Variants in STXBP6 observed in about 807,000 individuals in gnomAD.
STXBP6 encodes the protein syntaxin-binding protein 6.
STXBP6 carries 21 observed loss-of-function variants against 26.9 expected under a neutral mutation model. That is an observed-to-expected ratio of 0.78 (90% CI 0.55 to 1.12). The LOEUF is 1.12. Ranked by LOEUF, STXBP6 falls within the 50% of genes most tolerant of loss-of-function variation. STXBP6 has a pLI of 0.00. For synonymous variants in STXBP6, 97 were observed against 92.6 expected (o/e 1.05, Z -0.27); for missense variants, 232 against 257.9 (o/e 0.90, Z 0.69).
chr14:24,948,151 A>C (rs1478432179), intron 2 of STXBP6, among the ~76,000 whole-genome samples: 1 of 152,150 alleles, frequency 6.6e-6, no homozygotes, highest in African/African-American at 2.4e-5. Context: ...AAAATGTTTC[A>C]AAGGGACTTG....
intron 1 of STXBP6, among the ~76,000 whole-genome samples, chr14:24,977,127 G>GT (rs1263706573): frequency 6.7e-6 from 1 of 148,682 alleles, no homozygotes; most frequent in African/African-American, 2.5e-5. Flanking sequence ...GCCTCCCTAC[G>GT]TGCTGGGATT....
chr14:24,953,106 C>T (rs2073226211), intron 2 of STXBP6, among the ~76,000 whole-genome samples: 1 of 152,164 alleles, frequency 6.6e-6, no homozygotes, highest in Non-Finnish European at 1.5e-5. Context: ...TTCCTTGCCC[C>T]TTCCCACTTC....
intron 1 of STXBP6, among the ~76,000 whole-genome samples, chr14:24,978,496 G>C (rs1316713815): frequency 6.6e-6 from 1 of 152,146 alleles, no homozygotes; most frequent in Admixed American, 6.5e-5. Context: ...TCCATCCCAA[G>C]GCTGAGAACC....
intron 1 of STXBP6, among the ~76,000 whole-genome samples, chr14:25,012,625 C>T (rs1251034542): frequency 6.6e-6 from 1 of 151,974 alleles, no homozygotes; most frequent in Non-Finnish European, 1.5e-5. Context: ...AACAAACAAA[C>T]AAAAAAACAT....
At chr14:24,959,696 A>G (rs1216499378) in intron 2 of STXBP6, among the ~76,000 whole-genome samples, 1 of 152,228 alleles carries the variant, frequency 6.6e-6, no homozygotes, top group Admixed American at 6.5e-5. Flanking sequence ...TATAAAGTAT[A>G]ACAACTGACA....
intron 1 of STXBP6, among the ~76,000 whole-genome samples, chr14:25,006,409 A>G (rs535702471): frequency 5.3e-5 from 8 of 152,312 alleles, no homozygotes; most frequent in African/African-American, 1.9e-4. Flanking sequence ...CTGCATATGT[A>G]TATGTGTGTG....
chr14:24,861,522 GC>G (rs1405987252), intron 2 of STXBP6, among the ~76,000 whole-genome samples: 1 of 152,162 alleles, frequency 6.6e-6, no homozygotes, highest in East Asian at 1.9e-4. Context: ...TTCTTCCAAA[GC>G]TCTAGTGTAT....
At chr14:25,036,625 C>T (rs560917385) in intron 1 of STXBP6, among the ~76,000 whole-genome samples, 3 of 152,136 alleles carry the variant, frequency 2.0e-5, no homozygotes, top group Admixed American at 6.5e-5. Flanking sequence ...GAGGCTGAGG[C>T]GGGCCGATCG....
At chr14:24,897,510 C>T (rs2071042145) in intron 2 of STXBP6, among the ~76,000 whole-genome samples, 1 of 150,050 alleles carries the variant, frequency 6.7e-6, no homozygotes, top group Non-Finnish European at 1.5e-5. Context: ...AGGTTACTTA[C>T]AGTCATTATC....
At chr14:24,882,183 T>C (rs564403673) in intron 2 of STXBP6, among the ~76,000 whole-genome samples, 1 of 150,412 alleles carries the variant, frequency 6.6e-6, no homozygotes, top group South Asian at 2.1e-4. Context: ...ATCGCGACCA[T>C]CCCGGCTAAA....
At chr14:24,931,459 T>C (rs2072405522) in intron 2 of STXBP6, among the ~76,000 whole-genome samples, 1 of 152,190 alleles carries the variant, frequency 6.6e-6, no homozygotes, top group Non-Finnish European at 1.5e-5. Flanking sequence ...ACTCATTTTC[T>C]TCCTCATTTC....
chr14:24,982,375 C>A (rs551422323), intron 1 of STXBP6, among the ~76,000 whole-genome samples: 1 of 152,298 alleles, frequency 6.6e-6, no homozygotes, highest in South Asian at 2.1e-4. Flanking sequence ...GAAAATGGTA[C>A]CCTTCTTCTG....
At position 25,049,969 on chromosome 14, in the gene STXBP6, C is replaced by T; in HGVS notation, c.-124G>A. ...CCCCGGGGGGCTGCCCCGCGCGGGG[C>T]TCCGGGCTCCGGACAAGGCTTAGCC... is the stretch of plus-strand genomic sequence containing the variant. On this transcript the variant is annotated 5_prime_UTR_variant, in exon 1 of 6. Transcript: ENST00000323944. This position sits in a 1 kb window ranked among gnomAD's most constrained non-coding sequence, Gnocchi z 5.6. 2 of 745,726 alleles carry T rather than the reference C, an allele frequency of 2.7e-6. No individual in the cohort carries two copies. Among genetic ancestry groups the T allele is most frequent in the Non-Finnish European group, 3.3e-6 (2 of 611,266 alleles). 46.2% of individuals were successfully genotyped at this position (745,726 alleles called of 1,614,324 possible).
At chr14:24,857,675 TC>T (rs2069386716) in intron 2 of STXBP6, among the ~76,000 whole-genome samples, 1 of 151,734 alleles carries the variant, frequency 6.6e-6, no homozygotes, top group Non-Finnish European at 1.5e-5. Flanking sequence ...ACTCAAAAAA[TC>T]CCCAAACTAT....
intron 2 of STXBP6, among the ~76,000 whole-genome samples, chr14:24,870,266 A>C (rs187939124): frequency 1.8e-3 from 273 of 152,294 alleles, no homozygotes; most frequent in African/African-American, 6.3e-3. Context: ...GGGGCCAAAT[A>C]TGTGAAGTCC....
intron 2 of STXBP6, among the ~76,000 whole-genome samples, chr14:24,907,655 T>C (rs1249328346): frequency 6.6e-6 from 1 of 152,172 alleles, no homozygotes; most frequent in Non-Finnish European, 1.5e-5. Context: ...TATATAGCCT[T>C]TTAATAAGCA....
chr14:24,890,859 AT>A (rs2070762554), intron 2 of STXBP6, among the ~76,000 whole-genome samples: 2 of 152,194 alleles, frequency 1.3e-5, no homozygotes, highest in Admixed American at 6.5e-5. Flanking sequence ...TGATTGCTCT[AT>A]CCTTTATTTA....
intron 2 of STXBP6, among the ~76,000 whole-genome samples, chr14:24,883,891 C>A (rs1316966385): frequency 6.6e-6 from 1 of 152,092 alleles, no homozygotes; most frequent in Non-Finnish European, 1.5e-5. Flanking sequence ...AAGTTTCCTA[C>A]AACACAAGCT....
chr14:24,902,983 T>C (rs2071266543), intron 2 of STXBP6, among the ~76,000 whole-genome samples: 1 of 152,222 alleles, frequency 6.6e-6, no homozygotes, highest in Non-Finnish European at 1.5e-5. Context: ...TATTTATCTT[T>C]GAATAAGATT....
Sources: gnomAD v4.1 joint callset for allele counts (sites outside exome capture counted in the v4.1 genomes callset) on GRCh38, gnomAD v4.1.1 for gene constraint, Gnocchi (gnomAD v3.1) non-coding constraint, MANE v1.5 for transcripts, NCBI Gene and HGNC (gene_info 2026-07-23, HGNC 2026-07-21) for gene names.